COL11A2: variants seen among roughly 807,000 people sequenced by gnomAD.
COL11A2 encodes collagen type XI alpha 2 chain, also known as collagen alpha-2(XI) chain.
A neutral mutation model predicts 273.4 loss-of-function variants in COL11A2; 116 were observed. The ratio of observed to expected loss-of-function variants is 0.42; its 90% CI spans 0.36 to 0.49. The LOEUF is 0.49. COL11A2 is among the 20% of genes least tolerant of loss of function. The pLI is 0.00. For synonymous variants in COL11A2, 782 were observed against 864.2 expected (o/e 0.90, Z 1.67); for missense variants, 1,866 against 2,309.0 (o/e 0.81, Z 3.93).
At position 33,165,167 on chromosome 6, in the gene COL11A2, G is replaced by C. The variant is rs1216736396; in HGVS notation, c.4751-203C>G. On this transcript the variant is annotated intron_variant, in intron 63 of 65. Transcript: ENST00000341947. This position sits in a 1 kb window ranked among gnomAD's most constrained non-coding sequence, Gnocchi z 7.7. ...TACTGCTGCAGCCCACTTTCATCAC[G>C]TGACACCTCTGCCCCCAACAGTAAC... Among the ~76,000 whole-genome samples the C allele has an allele frequency of 6.6e-6, 1 of 151,838 alleles. No homozygotes were observed. The highest frequency in any genetic ancestry group is 2.4e-5 in the African/African-American group (1 of 41,316).
In COL11A2 at chr6:33,166,297, G is replaced by A. The variant is rs2150520521; in HGVS notation, c.4393-91C>T. Reference sequence around the variant, plus strand: ...GAGGCAAGGTCCCAAGTCCACAGGAGCCTCGGGTTACTACAGGAGGGGCAG... The same window carrying A: ...GAGGCAAGGTCCCAAGTCCACAGGAACCTCGGGTTACTACAGGAGGGGCAG... On this transcript the variant is annotated intron_variant, in intron 60 of 65. Coordinates refer to ENST00000341947, the MANE Select transcript of COL11A2 (RefSeq NM_080680.3). This position sits in a 1 kb window ranked among gnomAD's most constrained non-coding sequence, Gnocchi z 4.8. 1 of 1,493,900 alleles carries A rather than the reference G, an allele frequency of 6.7e-7. No homozygotes were observed. The highest frequency in any genetic ancestry group is 9.1e-7 in the Non-Finnish European group (1 of 1,102,512). The allele number at this position is 1,493,900 out of a possible 1,614,324, so 92.5% of individuals were successfully genotyped here.
In COL11A2 at chr6:33,180,259, G is replaced by A. The variant is rs1344027679; in HGVS notation, c.1358C>T (p.Pro453Leu). 1.9e-6 allele frequency: 3 copies of A among 1,612,900 alleles called. No homozygotes were observed. The East Asian group carries it at 6.7e-5, about 36-fold the overall frequency. Reference sequence around the variant, plus strand: ...TCCAAAACCCAAGAGACAACTCACTGGGAGCATGAGAGATGTGCCAGGAGG... The same window carrying A: ...TCCAAAACCCAAGAGACAACTCACTAGGAGCATGAGAGATGTGCCAGGAGG... ...PGPPGTSLML[P>L]FRFGSGGGDK... The change falls in exon 12 of 66, where the codon CCA becomes CTA. Residue 453 changes from proline to leucine, a missense_variant and splice_region_variant. By Grantham distance (98) the Pro-to-Leu change is moderately conservative (BLOSUM62 -3). Transcript: ENST00000341947.
rs1487518837 is a variant in COL11A2, at chr6:33,192,062, T to C, written c.82+97A>G. The C allele has an allele frequency of 7.7e-6, 9 of 1,163,478 alleles. No homozygotes were observed. In the African/African-American group the frequency reaches 1.4e-4, roughly 18 times the overall value. The allele number at this position is 1,163,478 out of a possible 1,614,324, so 72.1% of individuals were successfully genotyped here. A position where few individuals can be genotyped will look rare whatever the true frequency, so the allele number is the denominator to read the frequency against. On this transcript the variant is annotated intron_variant, in intron 1 of 65. Transcript: ENST00000341947. ...GAAGCCCCAAATCTCCTTGTTAGAC[T>C]CAGAAGCTGCTGCCCCAGGCATCAG...
At chr6:33,172,967 G>A in intron 38 of COL11A2, 93 bp downstream of exon 38, 1 of 1,372,650 alleles carries the variant, frequency 7.3e-7, no homozygotes. Context: ...TCTGGGTCAG[G>A]TGGACCGGGG....
At position 33,170,328 on chromosome 6, in the gene COL11A2, C is replaced by T; in HGVS notation, c.3580G>A (p.Asp1194Asn). Residue 1194 changes from aspartate (D) to asparagine (N), a missense_variant and splice_region_variant, in exon 48 of 66, where the codon GAT becomes AAT. Transcript: ENST00000341947. The surrounding 1 kb of genome is among the most constrained non-coding windows in gnomAD (Gnocchi z 4.3). ...GGACAGGGGCTGAGATGACTCACAT[C>T]AGCGCCATTGGGTCCAGCTGGACCT... ...PRGPAGPNGA[D>N]GPQGPPGGVG... 1 of 1,613,590 alleles carries T rather than the reference C, an allele frequency of 6.2e-7. No homozygotes were observed. Among genetic ancestry groups the T allele is most frequent in the Non-Finnish European group, 8.5e-7 (1 of 1,179,854 alleles).
At chr6:33,181,277 A>G in intron 8 of COL11A2, 107 bp from the exon 9 acceptor site, 1 of 1,153,882 alleles carries the variant, frequency 8.7e-7, no homozygotes, top group South Asian at 1.2e-5. Context: ...TCTCGAGACC[A>G]CTTCAGCCCT....
chr6:33,181,227 G>T (rs1167583533), intron 8 of COL11A2, 57 bp from the exon 9 acceptor site: 2 of 1,567,764 alleles, frequency 1.3e-6, no homozygotes, highest in African/African-American at 1.3e-5. Flanking sequence ...AGGACACTAG[G>T]CCTTTCTCCA....
intron 4 of COL11A2, among the ~76,000 whole-genome samples, chr6:33,187,442 C>A (rs1479314563): frequency 2.0e-5 from 3 of 152,148 alleles, no homozygotes; most frequent in East Asian, 3.8e-4. Flanking sequence ...CTTCTTTGTT[C>A]TCCTTGTCCA....
Position 33,173,784 on chromosome 6 carries a change from C to A in COL11A2, c.2584-39G>T. ...CAGAGTCAAGGAGTGGGAAGAGCTG[C>A]TTTCCAGCTGTCCCCGAGGTCAGGA... On this transcript the variant is annotated intron_variant, in intron 34 of 65. Transcript: ENST00000341947. This position sits in a 1 kb window ranked among gnomAD's most constrained non-coding sequence, Gnocchi z 6.3. 2 of 1,608,072 alleles carry A rather than the reference C, an allele frequency of 1.2e-6. No homozygotes were observed. Among genetic ancestry groups the A allele is most frequent in the Non-Finnish European group, 1.7e-6 (2 of 1,175,422 alleles).
chr6:33,174,142 C>A, intron 32 of COL11A2, 23 bp downstream of exon 32: 2 of 1,595,322 alleles, frequency 1.3e-6, no homozygotes, highest in Non-Finnish European at 1.7e-6. Flanking sequence ...TCCCTTCTCA[C>A]GCCCTCCCAC....
In COL11A2 at chr6:33,178,248, A is replaced by C. The variant is rs577529761; in HGVS notation, c.1818+60T>G. ...ATAAAACTGTGTCCCTTTAGTGCTC[A>C]TGTCCCCCTCCTGGCTTCCCCAGAG... On this transcript the variant is annotated intron_variant, in intron 20 of 65. Transcript: ENST00000341947. This position sits in a 1 kb window ranked among gnomAD's most constrained non-coding sequence, Gnocchi z 4.6. The C allele has an allele frequency of 1.7e-4, 270 of 1,612,542 alleles. 1 individual carries two copies. The highest frequency in any genetic ancestry group is 2.7e-4 in the East Asian group (12 of 44,866).
intron 5 of COL11A2, 102 bp downstream of exon 5, chr6:33,186,525 A>G: frequency 6.2e-7 from 1 of 1,601,772 alleles, no homozygotes. Flanking sequence ...GGTGATGGGA[A>G]TAGGGAGATG....
chr6:33,169,685 C>T lies in COL11A2; in HGVS notation c.3690+146G>A. The T allele has an allele frequency of 8.6e-7, 1 of 1,161,142 alleles. No homozygotes were observed. Among genetic ancestry groups the T allele is most frequent in the Non-Finnish European group, 1.3e-6 (1 of 772,482 alleles). 71.9% of individuals were successfully genotyped at this position (1,161,142 alleles called of 1,614,324 possible). ...AAGGGGAAGAAGGGCTCACTCAGAC[C>T]AGGGATCAGGCCTCATAGAGGATGG... On this transcript the variant is annotated intron_variant, in intron 50 of 65. Transcript: ENST00000341947. The surrounding 1 kb of genome is among the most constrained non-coding windows in gnomAD (Gnocchi z 5.5).
At chr6:33,168,476 C>T in intron 54 of COL11A2, 43 bp downstream of exon 54, 1 of 1,610,592 alleles carries the variant, frequency 6.2e-7, no homozygotes, top group Non-Finnish European at 8.5e-7. Flanking sequence ...CCCACACAGC[C>T]CAGGGACTGC....
Position 33,173,011 on chromosome 6 carries a change from A to T in COL11A2, c.2790+49T>A. 6.3e-7 allele frequency: 1 copy of T among 1,585,278 alleles called. No homozygotes were observed. The highest frequency in any genetic ancestry group is 8.6e-7 in the Non-Finnish European group (1 of 1,156,140). On this transcript the variant is annotated intron_variant, in intron 38 of 65. Transcript: ENST00000341947. This position sits in a 1 kb window ranked among gnomAD's most constrained non-coding sequence, Gnocchi z 6.3. Reference sequence around the variant, plus strand: ...TGTGACCGAGAGAAGAGGGGCAGACAGACTAATGCTAGGGTCAGGGGTCCA... The same window carrying T: ...TGTGACCGAGAGAAGAGGGGCAGACTGACTAATGCTAGGGTCAGGGGTCCA...
Position 33,164,815 on chromosome 6 carries a change from TG to T in COL11A2, c.4863+36del. Reference sequence around the variant, plus strand: ...CACTAAGCCCTGAGGGGGTGCACTATGGGGCAGGGGAGGGGCAGCGAGGGGC... The same window carrying T: ...CACTAAGCCCTGAGGGGGTGCACTATGGGCAGGGGAGGGGCAGCGAGGGGC... On this transcript the variant is annotated intron_variant, in intron 64 of 65. Transcript: ENST00000341947. This position sits in a 1 kb window ranked among gnomAD's most constrained non-coding sequence, Gnocchi z 4.7. The T allele has an allele frequency of 1.4e-6, 2 of 1,385,928 alleles. No homozygotes were observed. The highest frequency in any genetic ancestry group is 1.9e-6 in the Non-Finnish European group (2 of 1,046,812). 85.9% of individuals were successfully genotyped at this position (1,385,928 alleles called of 1,614,324 possible).
In COL11A2 at chr6:33,164,931, G is replaced by T; in HGVS notation, c.4784C>A (p.Ala1595Asp). Residue 1595 changes from alanine (A) to aspartate (D), a missense_variant, in exon 64 of 66, where the codon GCT becomes GAT. Coordinates refer to ENST00000341947, the MANE Select transcript of COL11A2 (RefSeq NM_080680.3). This position sits in a 1 kb window ranked among gnomAD's most constrained non-coding sequence, Gnocchi z 4.7. ...EYWVDPNQGCARDAFRVFCNF... is the reference protein window; with the variant it reads ...EYWVDPNQGCDRDAFRVFCNF... The stretch of plus-strand genomic sequence containing the variant: ...GCAGAAAACTCGGAAGGCATCCCGA[G>T]CACAGCCCTGGTTGGGGTCGACCCA... 6.3e-7 allele frequency: 1 copy of T among 1,580,102 alleles called. No individual in the cohort carries two copies.
rs1440032367 is a variant in COL11A2, at chr6:33,189,169, G to C, written c.252C>G (p.Phe84Leu). 1 of 1,613,848 alleles carries C rather than the reference G, an allele frequency of 6.2e-7. No homozygotes were observed. The highest frequency in any genetic ancestry group is 1.3e-5 in the African/African-American group (1 of 74,904). The change falls in exon 3 of 66, where the codon TTC (phenylalanine) becomes TTG (leucine). Residue 84 changes from phenylalanine (F) to leucine (L), a missense_variant. Phe to Leu is a conservative substitution (Grantham distance 22). Transcript: ENST00000341947. The surrounding 1 kb of genome is among the most constrained non-coding windows in gnomAD (Gnocchi z 5.6). ...GGGTCCGGACAACAGTCAGCAGAGA[G>C]AAATCTTTGGGAAATCCTCCTAGTA... ...QLFPGGFPKDFSLLTVVRTRP... is the reference protein window; with the variant it reads ...QLFPGGFPKDLSLLTVVRTRP...
In COL11A2 at chr6:33,179,737, C is replaced by T. The variant is rs775037434; in HGVS notation, c.1428G>A (p.Ala476=). ...CACTCACCCTCGCCTGCTGCAGGAT[C>T]GCCTGGGCCTGAGCCTCCTGGGCCG... The part of the protein sequence containing the change: ...VVAAQEAQAQ[A]ILQQARLALR... Residue 476 remains alanine, a synonymous_variant, in exon 13 of 66, where the codon GCG becomes GCA. Transcript: ENST00000341947. The surrounding 1 kb of genome is among the most constrained non-coding windows in gnomAD (Gnocchi z 6.4). 1.2e-5 allele frequency: 20 copies of T among 1,612,134 alleles called. No individual in the cohort carries two copies. Among genetic ancestry groups the T allele is most frequent in the East Asian group, 2.2e-5 (1 of 44,890 alleles).
Sources: gnomAD v4.1 joint callset for allele counts (sites outside exome capture counted in the v4.1 genomes callset) on GRCh38, gnomAD v4.1.1 for gene constraint, Gnocchi (gnomAD v3.1) non-coding constraint, MANE v1.5 for transcripts, NCBI Gene and HGNC (gene_info 2026-07-23, HGNC 2026-07-21) for gene names.